Variants in STARD13 observed in about 807,000 individuals in gnomAD.
STARD13 encodes StAR related lipid transfer domain containing 13, also known as stAR-related lipid transfer protein 13.
Under a neutral mutation model 106.4 loss-of-function variants are expected in STARD13, and 62 were observed. The observed-to-expected ratio is 0.58, with a 90% CI of 0.48 to 0.72. The LOEUF is 0.72. Among genes scored for constraint, STARD13 ranks in the 30% least tolerant of loss-of-function variants. The probability of loss-of-function intolerance (pLI) is 0.00; values close to 1 mark genes in which losing one functional copy is unlikely to be tolerated. For missense variants in STARD13, 1,387 were observed against 1,424.0 expected, an observed-to-expected ratio of 0.97 and a Z score of 0.42; for synonymous variants, 565 against 553.0, an observed-to-expected ratio of 1.02 and a Z score of -0.31.
chr13:33,627,402 G>T, the STARD13 span, among the ~76,000 whole-genome samples: 2 of 152,208 alleles, frequency 1.3e-5, no homozygotes, highest in Non-Finnish European at 2.9e-5. Context: ...ACTTCGGGAG[G>T]CTGAGGTGGG....
the STARD13 span, among the ~76,000 whole-genome samples, chr13:33,630,277 C>T: frequency 1.3e-5 from 2 of 152,102 alleles, no homozygotes; most frequent in Non-Finnish European, 2.9e-5. Context: ...GGTCCCAGCT[C>T]CTCTCATTTT....
chr13:33,580,773 T>C, the STARD13 span, among the ~76,000 whole-genome samples: 1 of 152,082 alleles, frequency 6.6e-6, no homozygotes, highest in Admixed American at 6.5e-5. Context: ...CTGGCAAACA[T>C]TTTATCTCTA....
chr13:33,386,685 T>G, the STARD13 span, among the ~76,000 whole-genome samples: 2 of 152,132 alleles, frequency 1.3e-5, no homozygotes, highest in African/African-American at 4.8e-5. Context: ...CAGAGCCTTT[T>G]TGCCTTTATG....
chr13:33,386,990 A>G, the STARD13 span, among the ~76,000 whole-genome samples: 4 of 152,128 alleles, frequency 2.6e-5, no homozygotes, highest in Non-Finnish European at 5.9e-5. Context: ...GGTTGGGTTG[A>G]CAGGTGGAGG....
chr13:33,259,106 A>G (rs1346942897), intron 1 of STARD13, among the ~76,000 whole-genome samples: 1 of 150,968 alleles, frequency 6.6e-6, no homozygotes, highest in Non-Finnish European at 1.5e-5. Flanking sequence ...TTACCTCTCT[A>G]CCTCCCTCCC....
the STARD13 span, among the ~76,000 whole-genome samples, chr13:33,457,529 T>C: frequency 2.0e-4 from 30 of 152,186 alleles, no homozygotes; most frequent in Non-Finnish European, 3.7e-4. Flanking sequence ...GTGCAAGAAT[T>C]CAGGAAACAT....
intron 13 of STARD13, 53 bp from the exon 14 acceptor site, chr13:33,105,763 G>A (rs1359282994): frequency 2.0e-6 from 3 of 1,491,704 alleles, no homozygotes; most frequent in Non-Finnish European, 2.8e-6. Flanking sequence ...CCAAATCACA[G>A]CAATTAGTTT....
At chr13:33,392,635 G>C in the STARD13 span, among the ~76,000 whole-genome samples, 1,078 of 151,580 alleles carry the variant, frequency 7.1e-3, 18 homozygotes, top group African/African-American at 0.024. Context: ...CCTGACCTCA[G>C]GTGATCTGCC....
chr13:33,161,132 A>G (rs1438641151), intron 3 of STARD13, among the ~76,000 whole-genome samples: 1 of 152,182 alleles, frequency 6.6e-6, no homozygotes, highest in Non-Finnish European at 1.5e-5. Flanking sequence ...AATTTTTATT[A>G]TTTTATAACA....
At chr13:33,200,632 T>G (rs1244577050) in intron 1 of STARD13, among the ~76,000 whole-genome samples, 2 of 152,226 alleles carry the variant, frequency 1.3e-5, no homozygotes, top group African/African-American at 4.8e-5. Context: ...TTGGCACTCC[T>G]TCACCTTTTA....
chr13:33,654,225 A>G, the STARD13 span, among the ~76,000 whole-genome samples: 1 of 152,248 alleles, frequency 6.6e-6, no homozygotes, highest in Non-Finnish European at 1.5e-5. Context: ...CCCAAAGAGT[A>G]AACAACCCAA....
the STARD13 span, among the ~76,000 whole-genome samples, chr13:33,532,630 C>T: frequency 0.032 from 4,829 of 152,198 alleles, 244 homozygotes; most frequent in African/African-American, 0.11. Context: ...AATGCTTTGA[C>T]TTTTACTTGT....
chr13:33,339,353 C>T (rs979349731), intron 1 of STARD13, among the ~76,000 whole-genome samples: 4 of 152,214 alleles, frequency 2.6e-5, no homozygotes, highest in Non-Finnish European at 2.9e-5. Flanking sequence ...CCCTCTACTA[C>T]ACAGCTATAG....
chr13:33,234,898 C>T (rs1378988882), intron 1 of STARD13, among the ~76,000 whole-genome samples: 1 of 152,166 alleles, frequency 6.6e-6, no homozygotes, highest in Admixed American at 6.5e-5. Context: ...AGTTCTTCTG[C>T]TATAGAAATA....
chr13:33,359,156 C>T, the STARD13 span, among the ~76,000 whole-genome samples: 1 of 151,836 alleles, frequency 6.6e-6, no homozygotes, highest in Admixed American at 6.6e-5. Flanking sequence ...TTGTTTTTCG[C>T]TCTTTGCAAT....
At chr13:33,225,418 T>A (rs1235115948) in intron 1 of STARD13, among the ~76,000 whole-genome samples, 1 of 152,228 alleles carries the variant, frequency 6.6e-6, no homozygotes, top group Non-Finnish European at 1.5e-5. Context: ...CTTCTAACTT[T>A]TATTTTTTAA....
At chr13:33,549,844 C>T in the STARD13 span, among the ~76,000 whole-genome samples, 18 of 152,064 alleles carry the variant, frequency 1.2e-4, no homozygotes, top group Non-Finnish European at 2.2e-4. Flanking sequence ...TGTTCATCAC[C>T]ATCACTGAAC....
At chr13:33,205,220 T>C (rs1341415567) in intron 1 of STARD13, among the ~76,000 whole-genome samples, 2 of 152,264 alleles carry the variant, frequency 1.3e-5, no homozygotes, top group Non-Finnish European at 2.9e-5. Flanking sequence ...TTGTTTCATA[T>C]GGTAGCTTAT....
chr13:33,499,514 CTTTCT>C, the STARD13 span, among the ~76,000 whole-genome samples: 1,123 of 106,070 alleles, frequency 0.011, 64 homozygotes, highest in Middle Eastern at 0.024. Context: ...TCTTCTTCTT[CTTTCT>C]TTCTTCTTCT....
Sources: allele counts gnomAD v4.1 joint callset (sites outside exome capture counted in the v4.1 genomes callset), GRCh38; gene constraint gnomAD v4.1.1; transcripts MANE v1.5; gene names NCBI Gene and HGNC (gene_info 2026-07-23, HGNC 2026-07-21).